The following SIPA1L3 variants were observed in gnomAD, a reference collection of about 807,000 sequenced individuals.
SIPA1L3 encodes the protein signal induced proliferation associated 1 like 3, also known as signal-induced proliferation-associated 1-like protein 3.
In SIPA1L3, 59 loss-of-function variants were observed where a neutral mutation model predicts 150.1. The ratio of observed to expected loss-of-function variants is 0.39; its 90% CI spans 0.32 to 0.49. The LOEUF is 0.49. Ranked by LOEUF, SIPA1L3 falls within the 20% of genes least tolerant of loss-of-function variation. SIPA1L3 has a pLI of 0.86. For missense variants in SIPA1L3, 2,211 were observed against 2,489.5 expected (o/e 0.89, Z 2.38); for synonymous variants, 1,070 against 1,077.6 (o/e 0.99, Z 0.14).
chr19:38,091,747 G>A (rs752671431), intron 4 of SIPA1L3, among the ~76,000 whole-genome samples: 1 of 152,180 alleles, frequency 6.6e-6, no homozygotes, highest in Non-Finnish European at 1.5e-5. Flanking sequence ...GCTAGCGTTT[G>A]TGTTTTTGTT....
rs144756134 is a variant in SIPA1L3, at chr19:38,015,967, C to T, written c.-378-13122C>T. On this transcript the variant is annotated intron_variant, in intron 1 of 21. Coordinates refer to ENST00000222345, the MANE Select transcript of SIPA1L3 (RefSeq NM_015073.3). ...TGCATCGTTGGTCCGCCGGAATCTG[C>T]GCTCACAGGGGATCAGGAATACTGT... 1.5e-3 allele frequency among the ~76,000 whole-genome samples: 233 copies of T among 152,262 alleles called. 1 individual carries two copies. Among genetic ancestry groups the T allele is most frequent in the African/African-American group, 5.4e-3 (223 of 41,548 alleles).
intron 16 of SIPA1L3, among the ~76,000 whole-genome samples, chr19:38,183,515 G>C (rs528776218): frequency 7.6e-4 from 115 of 152,300 alleles, no homozygotes; most frequent in African/African-American, 2.5e-3. Context: ...TGCCTTGAGT[G>C]GGGAGCAGGC....
chr19:37,954,924 T>G (rs910953479), intron 1 of SIPA1L3, among the ~76,000 whole-genome samples: 2 of 151,882 alleles, frequency 1.3e-5, no homozygotes, highest in African/African-American at 4.8e-5. Context: ...CTGTCTCTAC[T>G]AAAAATACAA....
At chr19:37,958,800 C>G (rs1489384148) in intron 1 of SIPA1L3, among the ~76,000 whole-genome samples, 1 of 152,130 alleles carries the variant, frequency 6.6e-6, no homozygotes, top group Non-Finnish European at 1.5e-5. Context: ...CTATAAAGGA[C>G]TTATGTGCTG....
At chr19:38,186,739 C>G (rs1453966050) in intron 16 of SIPA1L3, among the ~76,000 whole-genome samples, 2 of 150,862 alleles carry the variant, frequency 1.3e-5, no homozygotes, top group East Asian at 4.0e-4. Flanking sequence ...GCCTGTAATC[C>G]CAGCACTTTG....
chr19:38,056,375 A>G (rs1211889018), intron 2 of SIPA1L3, among the ~76,000 whole-genome samples: 3 of 152,282 alleles, frequency 2.0e-5, no homozygotes, highest in African/African-American at 7.2e-5. Context: ...ACACTGTGGC[A>G]TCCTTGCACC....
At chr19:38,176,979 C>A (rs1600173832) in intron 15 of SIPA1L3, among the ~76,000 whole-genome samples, 1 of 140,204 alleles carries the variant, frequency 7.1e-6, no homozygotes, top group East Asian at 2.2e-4. Flanking sequence ...CTCAAAAAAA[C>A]AAACAAACAA....
intron 1 of SIPA1L3, among the ~76,000 whole-genome samples, chr19:37,937,760 A>AAAAAAAAAAAAAAAAAAAAAAAAAAAAAC (rs2046614189): frequency 7.0e-6 from 1 of 142,136 alleles, no homozygotes; most frequent in Non-Finnish European, 1.5e-5. Flanking sequence ...AAAAAAAAAA[A>AAAAAAAAAAAAAAAAAAAAAAAAAAAAAC]AAAAGACCAG....
intron 1 of SIPA1L3, among the ~76,000 whole-genome samples, chr19:37,960,718 T>C (rs375988955): frequency 3.8e-4 from 58 of 152,052 alleles, no homozygotes; most frequent in African/African-American, 1.3e-3. Context: ...CACACTCAGC[T>C]AATTTTTAAA....
At chr19:37,909,973 TAA>T (rs34356507) in intron 1 of SIPA1L3, among the ~76,000 whole-genome samples, 92,026 of 143,164 alleles carry the variant, frequency 0.64, 29,943 homozygotes, top group African/African-American at 0.78. Context: ...AGCAGTGGCT[TAA>T]AAAAAAAAAA....
At position 38,000,903 on chromosome 19, in the gene SIPA1L3, TATATATAACATATATATAAC is replaced by T. The variant is rs1207023555; in HGVS notation, c.-378-28178_-378-28159del. Among the ~76,000 whole-genome samples, 7 of 114,278 alleles carry T rather than the reference TATATATAACATATATATAAC, an allele frequency of 6.1e-5. No individual in the cohort carries two copies. In the South Asian group the frequency reaches 8.6e-4, roughly 14 times the overall value. The allele number at this position is 114,278 out of a possible 152,430, so 75.0% of individuals were successfully genotyped here. A position where few individuals can be genotyped will look rare whatever the true frequency, so the allele number is the denominator to read the frequency against. On this transcript the variant is annotated intron_variant, in intron 1 of 21. Coordinates refer to ENST00000222345, the MANE Select transcript of SIPA1L3 (RefSeq NM_015073.3). The stretch of plus-strand genomic sequence containing the variant: ...TATATATATATATATGTTATATATA[TATATATAACATATATATAAC>T]ATATATATAACATATATAACATATA...
Position 38,106,628 on chromosome 19 carries a change from C to T in SIPA1L3, c.2121C>T (p.Asn707=). The T allele has an allele frequency of 5.0e-6, 8 of 1,611,372 alleles. No homozygotes were observed. The highest frequency in any genetic ancestry group is 6.8e-6 in the Non-Finnish European group (8 of 1,177,488). ...CCACCCTGCTCCCTTACACCCCCAA[C>T]AACAGGCAGCAGGTCAGTGATTTTC... ...HVSTLLPYTP[N]NRQQLLRKRH... is the part of the protein sequence containing the mutation. Residue 707 remains asparagine, a synonymous_variant, in exon 7 of 22, where the codon AAC becomes AAT. Transcript: ENST00000222345.
intron 15 of SIPA1L3, among the ~76,000 whole-genome samples, chr19:38,171,378 A>G (rs931211914): frequency 2.2e-5 from 3 of 134,602 alleles, no homozygotes; most frequent in African/African-American, 5.5e-5. Context: ...CTATCCCCCT[A>G]CCAAAACTTT....
intron 1 of SIPA1L3, among the ~76,000 whole-genome samples, chr19:37,946,164 A>AT (rs2046709667): frequency 6.6e-6 from 1 of 151,936 alleles, no homozygotes; most frequent in Non-Finnish European, 1.5e-5. Context: ...TCAAAAAAAA[A>AT]AAATAATAAT....
At chr19:38,202,037 C>A in intron 20 of SIPA1L3, 40 bp downstream of exon 20, 1 of 1,562,392 alleles carries the variant, frequency 6.4e-7, no homozygotes, top group Non-Finnish European at 8.6e-7. Context: ...ATACCAGCGG[C>A]AGGCCTGTGC....
At chr19:37,916,682 G>A (rs561353649) in intron 1 of SIPA1L3, among the ~76,000 whole-genome samples, 10 of 151,852 alleles carry the variant, frequency 6.6e-5, no homozygotes, top group Non-Finnish European at 1.0e-4. Context: ...ACGTGGGGCC[G>A]AGCGCGGTGA....
At chr19:38,198,039 C>T (rs1973002130) in intron 18 of SIPA1L3, among the ~76,000 whole-genome samples, 2 of 152,212 alleles carry the variant, frequency 1.3e-5, no homozygotes, top group African/African-American at 4.8e-5. Context: ...CACCCTCTCC[C>T]AGCCATAGGG....
At chr19:37,973,597 CACTCT>C (rs1966999500) in intron 1 of SIPA1L3, among the ~76,000 whole-genome samples, 2 of 80,230 alleles carry the variant, frequency 2.5e-5, no homozygotes, top group African/African-American at 1.6e-4. Context: ...CGCCTCTCAG[CACTCT>C]GAGAGTGCTG....
At chr19:38,152,797 G>A (rs780133166) in intron 12 of SIPA1L3, 43 bp from the exon 13 acceptor site, 2 of 1,575,750 alleles carry the variant, frequency 1.3e-6, no homozygotes, top group African/African-American at 1.3e-5. Context: ...TTTCGACATA[G>A]GCTGATCTTT....
Sources: gnomAD v4.1 joint callset for allele counts (sites outside exome capture counted in the v4.1 genomes callset) on GRCh38, gnomAD v4.1.1 for gene constraint, MANE v1.5 for transcripts, NCBI Gene and HGNC (gene_info 2026-07-23, HGNC 2026-07-21) for gene names.